GPATCH8: variants seen among roughly 807,000 people sequenced by gnomAD.
The protein encoded by GPATCH8 is G-patch domain containing 8.
GPATCH8 carries 18 observed loss-of-function variants against 118.3 expected under a neutral mutation model. The ratio of observed to expected loss-of-function variants is 0.15; its 90% CI spans 0.11 to 0.23. The LOEUF (loss-of-function observed/expected upper bound fraction) is 0.23, where lower values mean the gene tolerates loss of function less well. GPATCH8 is among the 10% of genes least tolerant of loss of function. The pLI, the probability that GPATCH8 is intolerant of heterozygous loss-of-function variation, is 1.00. For missense variants in GPATCH8, 1,631 were observed against 1,873.8 expected, an observed-to-expected ratio of 0.87 and a Z score of 2.39; for synonymous variants, 659 against 684.7, an observed-to-expected ratio of 0.96 and a Z score of 0.59.
chr17:44,419,902 T>G (rs1194252977), intron 6 of GPATCH8, among the ~76,000 whole-genome samples: 1 of 152,180 alleles, frequency 6.6e-6, no homozygotes, highest in Non-Finnish European at 1.5e-5. Context: ...TGTTTATATA[T>G]TTATAACATT....
intron 1 of GPATCH8, among the ~76,000 whole-genome samples, chr17:44,490,968 TTTGCTAA>T (rs1441682032): frequency 6.6e-6 from 1 of 152,220 alleles, no homozygotes; most frequent in Non-Finnish European, 1.5e-5. Flanking sequence ...AATCTTATTA[TTTGCTAA>T]CTGGTGCTGA....
intron 7 of GPATCH8, among the ~76,000 whole-genome samples, chr17:44,403,835 A>G (rs74516797): frequency 0.016 from 2,395 of 152,184 alleles, 59 homozygotes; most frequent in African/African-American, 0.055. Context: ...CTGGGATTAC[A>G]GGCGTACGCC....
intron 4 of GPATCH8, among the ~76,000 whole-genome samples, chr17:44,435,411 C>CT (rs566253126): frequency 0.31 from 30,838 of 98,422 alleles, 6,041 homozygotes; most frequent in South Asian, 0.43. Flanking sequence ...TCTTTCTTTC[C>CT]TTTTTTTTTT....
chr17:44,438,400 T>C (rs1290682276), intron 3 of GPATCH8, among the ~76,000 whole-genome samples: 1 of 152,136 alleles, frequency 6.6e-6, no homozygotes, highest in Non-Finnish European at 1.5e-5. Flanking sequence ...TAGCAAGTGC[T>C]AGTGCCCATT....
intron 3 of GPATCH8, among the ~76,000 whole-genome samples, chr17:44,462,460 A>G (rs937115004): frequency 1.3e-5 from 2 of 152,220 alleles, no homozygotes; most frequent in African/African-American, 4.8e-5. Flanking sequence ...TCTGTGGTCT[A>G]TCCCATACGA....
chr17:44,444,571 G>T (rs569529560), intron 3 of GPATCH8, among the ~76,000 whole-genome samples: 3 of 152,166 alleles, frequency 2.0e-5, no homozygotes, highest in Admixed American at 1.3e-4. Flanking sequence ...TCAGGAGGTC[G>T]AGATCAGCCT....
At chr17:44,430,745 C>T (rs1370705071) in intron 5 of GPATCH8, among the ~76,000 whole-genome samples, 1 of 151,362 alleles carries the variant, frequency 6.6e-6, no homozygotes, top group African/African-American at 2.4e-5. Context: ...TGGGTTCAAG[C>T]GATTCTCCTG....
chr17:44,443,640 A>G (rs1170366095), intron 3 of GPATCH8, among the ~76,000 whole-genome samples: 1 of 152,180 alleles, frequency 6.6e-6, no homozygotes, highest in Non-Finnish European at 1.5e-5. Context: ...TTAGTGACCT[A>G]TACAACAACC....
chr17:44,403,774 AC>A (rs1946624109), intron 7 of GPATCH8, among the ~76,000 whole-genome samples: 1 of 151,020 alleles, frequency 6.6e-6, no homozygotes, highest in Admixed American at 6.6e-5. Flanking sequence ...GCTCACTGCA[AC>A]CTCTGCCTCC....
At chr17:44,474,208 GT>G (rs984986886) in intron 2 of GPATCH8, among the ~76,000 whole-genome samples, 1 of 152,050 alleles carries the variant, frequency 6.6e-6, no homozygotes, top group Non-Finnish European at 1.5e-5. Flanking sequence ...AAATTAAGAA[GT>G]TTTTTTAAAA....
intron 5 of GPATCH8, among the ~76,000 whole-genome samples, chr17:44,431,048 A>G (rs2050292557): frequency 6.6e-6 from 1 of 151,852 alleles, no homozygotes; most frequent in Non-Finnish European, 1.5e-5. Flanking sequence ...TGTTATGTGA[A>G]TTTTATCTCA....
chr17:44,431,513 A>C (rs965841386), intron 5 of GPATCH8, among the ~76,000 whole-genome samples: 9 of 151,762 alleles, frequency 5.9e-5, no homozygotes, highest in Admixed American at 2.0e-4. Context: ...GAAAATACCT[A>C]AGTGTTTATA....
At chr17:44,477,646 A>AG (rs1479913841) in intron 1 of GPATCH8, among the ~76,000 whole-genome samples, 4 of 150,856 alleles carry the variant, frequency 2.7e-5, no homozygotes, top group Non-Finnish European at 2.9e-5. Flanking sequence ...AAATAAAGAA[A>AG]GGGAAAAAAA....
chr17:44,479,570 A>G lies in GPATCH8; in HGVS notation c.46-4667T>C, dbSNP rs112133816. On this transcript the variant is annotated intron_variant, in intron 1 of 7. Coordinates refer to ENST00000591680, the MANE Select transcript of GPATCH8 (RefSeq NM_001002909.4). ...CTGCAGACCTAAATGTAAAACTGAA[A>G]ATGATATATTCTAGAAGAAAAAATA... Among the ~76,000 whole-genome samples the G allele has an allele frequency of 5.6e-3, 849 of 152,354 alleles. 13 individuals carry two copies. The highest frequency in any genetic ancestry group is 0.02 in the African/African-American group (819 of 41,592).
At chr17:44,438,329 C>CA (rs1370848059) in intron 3 of GPATCH8, among the ~76,000 whole-genome samples, 1 of 152,116 alleles carries the variant, frequency 6.6e-6, no homozygotes, top group African/African-American at 2.4e-5. Flanking sequence ...ATAAACTCTG[C>CA]ATTAGTACTT....
chr17:44,397,994 A>C lies in GPATCH8; in HGVS notation c.4083T>G (p.Ile1361Met). The part of the protein sequence containing the change: ...PATPALQPIH[I>M]QQPATASATS... ...TGGCAGAGGCTGTAGCTGGCTGCTGAATGTGGATGGGTTGCAGGGCTGGTG... is the reference window on the plus strand; with the variant it reads ...TGGCAGAGGCTGTAGCTGGCTGCTGCATGTGGATGGGTTGCAGGGCTGGTG... Residue 1361 changes from isoleucine to methionine, a missense_variant, in exon 8 of 8, where the codon ATT becomes ATG. By Grantham distance (10) the Ile-to-Met change is conservative. Coordinates refer to ENST00000591680, the MANE Select transcript of GPATCH8 (RefSeq NM_001002909.4). 1.2e-6 allele frequency: 2 copies of C among 1,613,972 alleles called. No individual in the cohort carries two copies. Among genetic ancestry groups the C allele is most frequent in the Non-Finnish European group, 1.7e-6 (2 of 1,179,926 alleles).
chr17:44,496,136 C>T (rs1004481597), intron 1 of GPATCH8, among the ~76,000 whole-genome samples: 1 of 152,206 alleles, frequency 6.6e-6, no homozygotes, highest in Admixed American at 6.5e-5. Context: ...TCCCAAAATG[C>T]CGGGATTATA....
chr17:44,450,045 T>C (rs2051057558), intron 3 of GPATCH8, among the ~76,000 whole-genome samples: 1 of 152,212 alleles, frequency 6.6e-6, no homozygotes, highest in African/African-American at 2.4e-5. Context: ...TATAGCCATA[T>C]TTAATTCCTG....
chr17:44,486,022 G>GT (rs1968750469), intron 1 of GPATCH8: 1 of 152,094 alleles, frequency 6.6e-6, no homozygotes, highest in South Asian at 2.1e-4. Flanking sequence ...AGCCCCCCAG[G>GT]TAACTGGGAC....
Sources: gnomAD v4.1 joint callset for allele counts (sites outside exome capture counted in the v4.1 genomes callset) on GRCh38, gnomAD v4.1.1 for gene constraint, MANE v1.5 for transcripts, NCBI Gene and HGNC (gene_info 2026-07-23, HGNC 2026-07-21) for gene names.